FOXJ3: variants seen among roughly 807,000 people sequenced by gnomAD.
FOXJ3 encodes the protein forkhead box J3, also known as forkhead box protein J3.
FOXJ3 carries 22 observed loss-of-function variants against 76.1 expected under a neutral mutation model. That is an observed-to-expected ratio of 0.29 (90% CI 0.21 to 0.41). The LOEUF (loss-of-function observed/expected upper bound fraction) is 0.41, where lower values mean the gene tolerates loss of function less well. Ranked by LOEUF, FOXJ3 falls within the 10% of genes least tolerant of loss-of-function variation. FOXJ3 has a pLI of 1.00. For missense variants in FOXJ3, 613 were observed against 762.1 expected, an observed-to-expected ratio of 0.80 and a Z score of 2.30; for synonymous variants, 269 against 261.2, an observed-to-expected ratio of 1.03 and a Z score of -0.29.
intron 4 of FOXJ3, among the ~76,000 whole-genome samples, chr1:42,257,623 C>T (rs530336132): frequency 1.5e-4 from 23 of 151,886 alleles, no homozygotes; most frequent in East Asian, 9.7e-4. Flanking sequence ...CTTGTAATCC[C>T]GCCTACAGGG....
chr1:42,334,191 A>G (rs948541881), intron 1 of FOXJ3: 28 of 876,996 alleles, frequency 3.2e-5, no homozygotes, highest in Non-Finnish European at 3.8e-5. Context: ...AGAGAAAAGA[A>G]TAAGAGCAGC....
intron 1 of FOXJ3, among the ~76,000 whole-genome samples, chr1:42,325,106 G>C (rs1185748230): frequency 6.6e-6 from 1 of 152,150 alleles, no homozygotes. Context: ...ATCACACACA[G>C]TGTTAAGTAT....
chr1:42,184,038 C>A (rs908902098), intron 11 of FOXJ3, among the ~76,000 whole-genome samples: 1 of 152,098 alleles, frequency 6.6e-6, no homozygotes, highest in Non-Finnish European at 1.5e-5. Flanking sequence ...AAAAGTTATA[C>A]TAAACTACAG....
At chr1:42,255,042 A>C (rs1267909530) in intron 4 of FOXJ3, among the ~76,000 whole-genome samples, 2 of 152,198 alleles carry the variant, frequency 1.3e-5, no homozygotes, top group Non-Finnish European at 2.9e-5. Context: ...ACATCAGAAA[A>C]GGTAAATAAC....
chr1:42,311,846 G>A (rs972683899), intron 1 of FOXJ3, among the ~76,000 whole-genome samples: 1 of 152,134 alleles, frequency 6.6e-6, no homozygotes, highest in African/African-American at 2.4e-5. Flanking sequence ...TTTATTCAGA[G>A]GGGATTAAAC....
chr1:42,283,095 C>A (rs1652832915), intron 2 of FOXJ3, among the ~76,000 whole-genome samples: 2 of 152,122 alleles, frequency 1.3e-5, no homozygotes, highest in African/African-American at 4.8e-5. Flanking sequence ...AGAGCACAGA[C>A]TGACAGGCAG....
intron 4 of FOXJ3, among the ~76,000 whole-genome samples, chr1:42,250,876 A>T (rs2124565535): frequency 6.6e-6 from 1 of 150,776 alleles, no homozygotes; most frequent in African/African-American, 2.4e-5. Context: ...AGAGTCAGAG[A>T]TCCTGAAAAT....
At chr1:42,254,820 G>T (rs1261800493) in intron 4 of FOXJ3, among the ~76,000 whole-genome samples, 1 of 132,460 alleles carries the variant, frequency 7.5e-6, no homozygotes, top group African/African-American at 3.1e-5. Context: ...GTTGTGGGGT[G>T]GGGGGAGGGG....
rs1393010 is a variant in FOXJ3, at chr1:42,300,504, G to A, written c.44+10546C>T. On this transcript the variant is annotated intron_variant, in intron 2 of 12. Coordinates refer to ENST00000361346, the MANE Select transcript of FOXJ3 (RefSeq NM_014947.5). ...AAATTCTTGGCCGGTGGTTGTGCAC[G>A]GTGGCTCACACCTGTAATCCCAGTA... is the stretch of plus-strand genomic sequence containing the variant. 2.3e-3 allele frequency among the ~76,000 whole-genome samples: 350 copies of A among 152,046 alleles called. 2 individuals are homozygous for A. The highest frequency in any genetic ancestry group is 7.9e-3 in the African/African-American group (327 of 41,462).
chr1:42,248,748 T>C (rs1649765346), intron 4 of FOXJ3, among the ~76,000 whole-genome samples: 1 of 148,160 alleles, frequency 6.7e-6, no homozygotes, highest in Non-Finnish European at 1.5e-5. Flanking sequence ...TTTTTTTTTT[T>C]TTTTTTTTAA....
chr1:42,273,606 T>C (rs368953890), intron 3 of FOXJ3, among the ~76,000 whole-genome samples: 171 of 132,354 alleles, frequency 1.3e-3, no homozygotes, highest in African/African-American at 4.7e-3. Context: ...ACTAGGAAGG[T>C]AGAGCTTGCA....
chr1:42,252,726 C>A (rs1650202097), intron 4 of FOXJ3, among the ~76,000 whole-genome samples: 1 of 151,596 alleles, frequency 6.6e-6, no homozygotes, highest in African/African-American at 2.4e-5. Flanking sequence ...GTTAGGGTGT[C>A]AATTTTGGAT....
At chr1:42,196,654 T>C (rs1236763402) in intron 7 of FOXJ3, among the ~76,000 whole-genome samples, 3 of 152,118 alleles carry the variant, frequency 2.0e-5, no homozygotes, top group East Asian at 1.9e-4. Flanking sequence ...GAACACACCA[T>C]TGCACTTCAG....
At chr1:42,331,925 C>A (rs1455837726) in intron 1 of FOXJ3, among the ~76,000 whole-genome samples, 1 of 151,812 alleles carries the variant, frequency 6.6e-6, no homozygotes, top group African/African-American at 2.4e-5. Flanking sequence ...TAAGGAAATA[C>A]TAATAATTAC....
chr1:42,197,138 T>G (rs1473678508), intron 7 of FOXJ3, among the ~76,000 whole-genome samples: 1 of 152,188 alleles, frequency 6.6e-6, no homozygotes, highest in South Asian at 2.1e-4. Flanking sequence ...ATAATATTTG[T>G]TATTCCAAAC....
At chr1:42,190,370 C>A (rs977730086) in intron 9 of FOXJ3, among the ~76,000 whole-genome samples, 2 of 152,102 alleles carry the variant, frequency 1.3e-5, no homozygotes, top group African/African-American at 2.4e-5. Flanking sequence ...AAAATTCTGC[C>A]AATAATGGAT....
At chr1:42,324,967 C>A (rs1655743211) in intron 1 of FOXJ3, among the ~76,000 whole-genome samples, 1 of 134,804 alleles carries the variant, frequency 7.4e-6, no homozygotes, top group Non-Finnish European at 1.6e-5. Context: ...GGTCACTAGG[C>A]AATAGAAATT....
chr1:42,269,025 C>T (rs1455383768), intron 3 of FOXJ3, among the ~76,000 whole-genome samples: 1 of 152,108 alleles, frequency 6.6e-6, no homozygotes, highest in Non-Finnish European at 1.5e-5. Flanking sequence ...TTCCCAGCCT[C>T]CAGAATTATG....
At chr1:42,330,785 G>GACCT (rs1656112544) in intron 1 of FOXJ3, among the ~76,000 whole-genome samples, 1 of 152,124 alleles carries the variant, frequency 6.6e-6, no homozygotes, top group Non-Finnish European at 1.5e-5. Context: ...GAACTAAGAA[G>GACCT]ACCTACCTGC....
Sources: gnomAD v4.1 joint callset for allele counts (sites outside exome capture counted in the v4.1 genomes callset) on GRCh38, gnomAD v4.1.1 for gene constraint, MANE v1.5 for transcripts, NCBI Gene and HGNC (gene_info 2026-07-23, HGNC 2026-07-21) for gene names.